The following CYFIP2 variants were observed in gnomAD, a reference collection of about 807,000 sequenced individuals.
CYFIP2 encodes cytoplasmic FMR1-interacting protein 2.
A neutral mutation model predicts 158.7 loss-of-function variants in CYFIP2; 29 were observed. That is an observed-to-expected ratio of 0.18 (90% CI 0.14 to 0.25). The LOEUF is 0.25. Ranked by LOEUF, CYFIP2 falls within the 10% of genes least tolerant of loss-of-function variation. The probability of loss-of-function intolerance (pLI) is 1.00; values close to 1 mark genes in which losing one functional copy is unlikely to be tolerated. For synonymous variants in CYFIP2, 585 were observed against 617.6 expected, an observed-to-expected ratio of 0.95 and a Z score of 0.78; for missense variants, 852 against 1,639.5, an observed-to-expected ratio of 0.52 and a Z score of 8.29.
At chr5:157,314,939 G>A (rs1474217025) in intron 12 of CYFIP2, 30 bp from the exon 13 acceptor site, 2 of 1,528,114 alleles carry the variant, frequency 1.3e-6, no homozygotes, top group Non-Finnish European at 8.9e-7. Flanking sequence ...ATCAGTTGAT[G>A]GACGTTTGGT....
chr5:157,378,040 TC>T (rs1329992346), intron 26 of CYFIP2, among the ~76,000 whole-genome samples: 2 of 152,140 alleles, frequency 1.3e-5, no homozygotes, highest in African/African-American at 4.8e-5. Flanking sequence ...CTTGGAAGAC[TC>T]CTAGAAGGTA....
In CYFIP2 at chr5:157,311,635, C is replaced by G; in HGVS notation, c.993-29C>G. The G allele has an allele frequency of 6.4e-7, 1 of 1,570,174 alleles. No homozygotes were observed. Among genetic ancestry groups the G allele is most frequent in the Non-Finnish European group, 8.6e-7 (1 of 1,157,028 alleles). On this transcript the variant is annotated intron_variant, in intron 10 of 30. Transcript: ENST00000620254. This position sits in a 1 kb window ranked among gnomAD's most constrained non-coding sequence, Gnocchi z 4.7. Reference sequence around the variant, plus strand: ...CCACCCAGGCGCCTGAGGCTGGGACCCTCTCCGACCCCATAATTTTCTACC... The same window carrying G: ...CCACCCAGGCGCCTGAGGCTGGGACGCTCTCCGACCCCATAATTTTCTACC...
Position 157,360,279 on chromosome 5 carries a change from C to T in CYFIP2, c.2818-3C>T, listed in dbSNP as rs752936060. The stretch of plus-strand genomic sequence containing the variant: ...CCACTCATCTGTACTCTTCTTTTGT[C>T]AGCTCCAAGGAACCATTCTCCAGTA... On this transcript the variant is annotated splice_region_variant and splice_polypyrimidine_tract_variant and intron_variant, in intron 24 of 30. Transcript: ENST00000620254. 7 of 1,612,730 alleles carry T rather than the reference C, an allele frequency of 4.3e-6. No homozygotes were observed. The South Asian group carries it at 6.6e-5, about 15-fold the overall frequency.
intron 5 of CYFIP2, among the ~76,000 whole-genome samples, chr5:157,298,295 T>G (rs933691685): frequency 6.6e-6 from 1 of 152,184 alleles, no homozygotes; most frequent in Non-Finnish European, 1.5e-5. Context: ...TGTTAATATA[T>G]TCACAGAGTT....
At chr5:157,329,525 A>G (rs1280428006) in intron 19 of CYFIP2, among the ~76,000 whole-genome samples, 2 of 152,236 alleles carry the variant, frequency 1.3e-5, no homozygotes, top group African/African-American at 4.8e-5. Flanking sequence ...TGTTCATTCA[A>G]AATGCCATGT....
chr5:157,325,322 G>A (rs1760937297), intron 16 of CYFIP2, among the ~76,000 whole-genome samples, 160 bp from the exon 17 acceptor site: 1 of 152,084 alleles, frequency 6.6e-6, no homozygotes, highest in Admixed American at 6.5e-5. Flanking sequence ...TAGATGTTAG[G>A]CTTGCCTTTA....
chr5:157,280,744 A>G (rs1193473079), intron 1 of CYFIP2, among the ~76,000 whole-genome samples: 1 of 151,854 alleles, frequency 6.6e-6, no homozygotes, highest in East Asian at 1.9e-4. Context: ...TTTCATTTCT[A>G]TTCACTCTTC....
At position 157,365,116 on chromosome 5, in the gene CYFIP2, G is replaced by C. The variant is rs371093131; in HGVS notation, c.3039+3518G>C. 2.0e-5 allele frequency: 3 copies of C among 152,184 alleles called. No individual in the cohort carries two copies. The South Asian group carries it at 6.2e-4, about 31-fold the overall frequency. 9.4% of individuals were successfully genotyped at this position (152,184 alleles called of 1,614,324 possible). ...AATATTTAACAGACATTTTCTCTAG[G>C]TATGAGGGAGGAATCCAGGATTAGA... On this transcript the variant is annotated intron_variant, in intron 26 of 30. Coordinates refer to ENST00000620254, the MANE Select transcript of CYFIP2 (RefSeq NM_001037333.3).
intron 23 of CYFIP2, among the ~76,000 whole-genome samples, chr5:157,356,569 G>A (rs1040648361): frequency 1.3e-5 from 2 of 152,108 alleles, no homozygotes; most frequent in African/African-American, 4.8e-5. Flanking sequence ...ACCCTAGGAA[G>A]TCCTCTCATG....
chr5:157,358,927 C>A, intron 23 of CYFIP2, 78 bp from the exon 24 acceptor site: 1 of 1,576,544 alleles, frequency 6.3e-7, no homozygotes, highest in South Asian at 1.1e-5. Context: ...ATGCTTCTGT[C>A]AGCAGAACAT....
At chr5:157,330,241 TG>T (rs1469045841) in intron 19 of CYFIP2, among the ~76,000 whole-genome samples, 3 of 3,724 alleles carry the variant, frequency 8.1e-4, no homozygotes, top group Non-Finnish European at 1.4e-3. Context: ...AGATTTAAAA[TG>T]TGTGTGTGTG....
chr5:157,280,577 G>GA (rs1382321267), intron 1 of CYFIP2, among the ~76,000 whole-genome samples: 1 of 151,632 alleles, frequency 6.6e-6, no homozygotes, highest in Non-Finnish European at 1.5e-5. Context: ...AGTTACAGGA[G>GA]AAAAAAAGGG....
chr5:157,373,392 C>A (rs1169092732), intron 26 of CYFIP2, among the ~76,000 whole-genome samples: 4 of 152,264 alleles, frequency 2.6e-5, no homozygotes, highest in East Asian at 1.9e-4. Flanking sequence ...TTCAGCCCCC[C>A]AGAAAGAGCA....
chr5:157,345,405 T>A (rs1467019129), intron 23 of CYFIP2: 1 of 152,614 alleles, frequency 6.6e-6, no homozygotes, highest in Admixed American at 6.5e-5. Flanking sequence ...TCCGTCTCCC[T>A]TATTGATTTT....
rs1426152848 is a variant in CYFIP2 at position 157,320,857 on chromosome 5, T to C, written c.1671+55T>C. On this transcript the variant is annotated intron_variant, in intron 15 of 30. Transcript: ENST00000620254. ...GTTGACTCAGAGGCCAGCCGGGCTA[T>C]GGTAGATCATCATGGCTGGCCATGG... The C allele has an allele frequency of 8.2e-6, 12 of 1,468,066 alleles. No individual in the cohort carries two copies. In the East Asian group the frequency reaches 2.8e-4, roughly 34 times the overall value. The allele number at this position is 1,468,066 out of a possible 1,614,324, so 90.9% of individuals were successfully genotyped here.
chr5:157,373,662 A>G (rs181162411), intron 26 of CYFIP2, among the ~76,000 whole-genome samples: 2 of 152,342 alleles, frequency 1.3e-5, no homozygotes, highest in East Asian at 1.9e-4. Flanking sequence ...TGTACTGCAC[A>G]TGGGAAGATG....
At chr5:157,369,157 C>T (rs890270440) in intron 26 of CYFIP2, among the ~76,000 whole-genome samples, 1 of 152,122 alleles carries the variant, frequency 6.6e-6, no homozygotes, top group Admixed American at 6.5e-5. Flanking sequence ...CTTGGCCTCC[C>T]AAAGTGCTAG....
At chr5:157,295,050 G>A (rs781483086) in intron 4 of CYFIP2, among the ~76,000 whole-genome samples, 190 bp downstream of exon 4, 1 of 152,170 alleles carries the variant, frequency 6.6e-6, no homozygotes, top group Non-Finnish European at 1.5e-5. Context: ...GACGCATGTC[G>A]AGGGACTTAA....
intron 9 of CYFIP2, among the ~76,000 whole-genome samples, chr5:157,309,374 A>G (rs1323840556): frequency 1.3e-5 from 2 of 152,232 alleles, no homozygotes; most frequent in Admixed American, 6.5e-5. Flanking sequence ...CTTCTAGCCT[A>G]GAAATCATAA....
Sources: gnomAD v4.1 joint callset for allele counts (sites outside exome capture counted in the v4.1 genomes callset) on GRCh38, gnomAD v4.1.1 for gene constraint, Gnocchi (gnomAD v3.1) non-coding constraint, MANE v1.5 for transcripts, NCBI Gene and HGNC (gene_info 2026-07-23, HGNC 2026-07-21) for gene names.